The following NDUFS6 variants were observed in gnomAD, a reference collection of about 807,000 sequenced individuals.
The protein encoded by NDUFS6 is NADH dehydrogenase [ubiquinone] iron-sulfur protein 6, mitochondrial.
A neutral mutation model predicts 13.2 loss-of-function variants in NDUFS6; 14 were observed. The ratio of observed to expected loss-of-function variants is 1.06; its 90% confidence interval spans 0.70 to 1.66. The LOEUF (loss-of-function observed/expected upper bound fraction) is 1.66. Ranked by LOEUF, NDUFS6 falls within the 40% of genes most tolerant of loss-of-function variation. NDUFS6 has a pLI of 0.00. For missense variants in NDUFS6, 206 were observed against 170.8 expected (o/e 1.21, Z -1.15); for synonymous variants, 95 against 72.3 (o/e 1.31, Z -1.60).
At chr5:1,806,252 G>A (rs1007625984) in intron 2 of NDUFS6, among the ~76,000 whole-genome samples, 1 of 152,190 alleles carries the variant, frequency 6.6e-6, no homozygotes, top group African/African-American at 2.4e-5. Flanking sequence ...GGAACAGCTG[G>A]GGGCTTCAGC....
chr5:1,809,425 G>C (rs1734183443), intron 2 of NDUFS6, among the ~76,000 whole-genome samples: 1 of 152,154 alleles, frequency 6.6e-6, no homozygotes. Context: ...CCGGAGCTTG[G>C]CCGTGTGAAC....
chr5:1,802,767 A>G (rs1428984122), intron 2 of NDUFS6, among the ~76,000 whole-genome samples: 1 of 152,150 alleles, frequency 6.6e-6, no homozygotes, highest in African/African-American at 2.4e-5. Context: ...AGGGACTTAC[A>G]CTGACAAGCT....
At position 1,815,866 on chromosome 5, in the gene NDUFS6, A is replaced by C; in HGVS notation, c.325A>C (p.Thr109Pro). ...VYINLDKETKTGTCGYCGLQF... is the reference protein window; with the variant it reads ...VYINLDKETKPGTCGYCGLQF... The stretch of plus-strand genomic sequence containing the variant: ...ATTTTTTCAGGACAAAGAAACAAAA[A>C]CCGGCACATGCGGTTACTGTGGGCT... The change falls in exon 4 of 4, where the codon ACC (threonine) becomes CCC (proline). Residue 109 changes from threonine to proline, a missense_variant. Thr to Pro is a conservative substitution (Grantham distance 38, BLOSUM62 -1). Transcript: ENST00000274137. 6.2e-7 allele frequency: 1 copy of C among 1,614,232 alleles called. No individual in the cohort carries two copies.
intron 1 of NDUFS6, 138 bp downstream of exon 1, chr5:1,801,687 G>T (rs1734045539): frequency 7.5e-7 from 1 of 1,328,098 alleles, no homozygotes; most frequent in South Asian, 1.5e-5. Context: ...TGTCGCTCAC[G>T]CGCCGGGGAG....
rs1353879292 is a variant in NDUFS6 at position 1,814,088 on chromosome 5, G to A, written c.187-251G>A. On this transcript the variant is annotated intron_variant, in intron 2 of 3. Transcript: ENST00000274137. The surrounding 1 kb of genome is among the most constrained non-coding windows in gnomAD (Gnocchi z 4.9). ...ACGTGTCAGCATTTGCTGGGTCCAC[G>A]GGGACAGAAGGGAAAGGCTCTGTGC... Among the ~76,000 whole-genome samples the A allele has an allele frequency of 1.3e-5, 2 of 152,238 alleles. No individual in the cohort carries two copies. Among genetic ancestry groups the A allele is most frequent in the East Asian group, 3.8e-4 (2 of 5,202 alleles).
At chr5:1,802,519 C>T (rs563110346) in intron 2 of NDUFS6, 145 bp downstream of exon 2, 2 of 628,458 alleles carry the variant, frequency 3.2e-6, no homozygotes, top group Non-Finnish European at 5.5e-6. Flanking sequence ...TTCTTCCTTT[C>T]TTAAAATCTT....
chr5:1,805,334 A>T (rs1237318955), intron 2 of NDUFS6, among the ~76,000 whole-genome samples: 1 of 152,250 alleles, frequency 6.6e-6, no homozygotes, highest in Admixed American at 6.5e-5. Context: ...TATCTCCAGA[A>T]AAAAAAGAAA....
chr5:1,809,112 A>G (rs1579215106), intron 2 of NDUFS6, among the ~76,000 whole-genome samples: 3 of 152,310 alleles, frequency 2.0e-5, no homozygotes, highest in East Asian at 1.9e-4. Context: ...AAACCTACAT[A>G]TCTTTATGCC....
chr5:1,801,480 G>GC lies in NDUFS6; in HGVS notation c.67dup (p.Leu23ProfsTer25). 1 of 1,603,208 alleles carries GC rather than the reference G, an allele frequency of 6.2e-7. No individual in the cohort carries two copies. Among genetic ancestry groups the GC allele is most frequent in the Non-Finnish European group, 8.5e-7 (1 of 1,178,760 alleles). ...GGTGTGGCGAGGCGGCGCGGAGCCT[G>GC]CCCCTGGGCGCCAGGTGTTTCGGGG... On this transcript the variant is annotated frameshift_variant, in exon 1 of 4. Coordinates refer to ENST00000274137, the MANE Select transcript of NDUFS6 (RefSeq NM_004553.6). LOFTEE classifies it high-confidence loss of function.
chr5:1,804,444 C>T (rs777080452), intron 2 of NDUFS6, among the ~76,000 whole-genome samples: 24 of 152,218 alleles, frequency 1.6e-4, no homozygotes, highest in Admixed American at 1.3e-4. Flanking sequence ...TGTCTGTGAC[C>T]GGCAGCTCAC....
At chr5:1,807,190 G>GGTACTGCGTGAGGTACTCAGAT in intron 2 of NDUFS6, among the ~76,000 whole-genome samples, 1 of 152,232 alleles carries the variant, frequency 6.6e-6, no homozygotes, top group African/African-American at 2.4e-5. Context: ...GGTACTCAGA[G>GGTACTGCGTGAGGTACTCAGAT]GTACTGTGTG....
rs1169689300 is a variant in NDUFS6 at position 1,814,462 on chromosome 5, G to T, written c.309+1G>T. On this transcript the variant is annotated splice_donor_variant, in intron 3 of 3. Coordinates refer to ENST00000274137, the MANE Select transcript of NDUFS6 (RefSeq NM_004553.6). LOFTEE classifies it high-confidence loss of function. The surrounding 1 kb of genome is among the most constrained non-coding windows in gnomAD (Gnocchi z 4.9). ...CCACCCAAAAGTGTATATAAACTTGGTGCGTAGCTGGCCACCTGTGCACAT... is the reference window on the plus strand; with the variant it reads ...CCACCCAAAAGTGTATATAAACTTGTTGCGTAGCTGGCCACCTGTGCACAT... The T allele has an allele frequency of 6.2e-7, 1 of 1,614,050 alleles. No individual in the cohort carries two copies. The highest frequency in any genetic ancestry group is 1.3e-5 in the African/African-American group (1 of 74,910).
At chr5:1,809,206 A>T (rs3756345) in intron 2 of NDUFS6, among the ~76,000 whole-genome samples, 112,046 of 152,086 alleles carry the variant, frequency 0.74, 44,399 homozygotes, top group Non-Finnish European at 0.88. Context: ...CATTTTACAG[A>T]GGTTGGACAC....
Position 1,801,446 on chromosome 5 carries a change from T to A in NDUFS6, c.29T>A (p.Leu10Gln). 1 of 1,605,244 alleles carries A rather than the reference T, an allele frequency of 6.2e-7. No individual in the cohort carries two copies. The highest frequency in any genetic ancestry group is 8.5e-7 in the Non-Finnish European group (1 of 1,178,636). The change falls in exon 1 of 4, where the codon CTG (leucine) becomes CAG (glutamine). Residue 10 changes from leucine (L) to glutamine (Q), a missense_variant. Physicochemically the swap from Leu to Gln is moderately radical, Grantham distance 113. Coordinates refer to ENST00000274137, the MANE Select transcript of NDUFS6 (RefSeq NM_004553.6). The stretch of plus-strand genomic sequence containing the variant: ...GCGGCGGCGATGACCTTCTGCCGGC[T>A]GCTGAACCGGTGTGGCGAGGCGGCG... MAAAMTFCR[L>Q]LNRCGEAARS...
At chr5:1,810,032 CT>C (rs1424941191) in intron 2 of NDUFS6, among the ~76,000 whole-genome samples, 1 of 152,212 alleles carries the variant, frequency 6.6e-6, no homozygotes, top group Non-Finnish European at 1.5e-5. Context: ...AAAAATAAAC[CT>C]TTCCGAAACA....
intron 2 of NDUFS6, among the ~76,000 whole-genome samples, chr5:1,803,931 G>A (rs367687272): frequency 6.6e-6 from 1 of 152,194 alleles, no homozygotes; most frequent in East Asian, 1.9e-4. Flanking sequence ...GTGGAGAAGG[G>A]GAGGTTTCTC....
At chr5:1,802,724 T>A (rs1248626412) in intron 2 of NDUFS6, among the ~76,000 whole-genome samples, 1 of 152,216 alleles carries the variant, frequency 6.6e-6, no homozygotes, top group Non-Finnish European at 1.5e-5. Context: ...TTTTTTATAG[T>A]TTTCACCAAA....
chr5:1,805,294 T>C (rs902699437), intron 2 of NDUFS6, among the ~76,000 whole-genome samples: 8 of 152,088 alleles, frequency 5.3e-5, no homozygotes, highest in African/African-American at 1.9e-4. Flanking sequence ...CATGCCATTG[T>C]ACTCCAGCCT....
At chr5:1,801,820 A>G (rs572423467) in intron 1 of NDUFS6, among the ~76,000 whole-genome samples, 3 of 152,376 alleles carry the variant, frequency 2.0e-5, no homozygotes, top group South Asian at 4.1e-4. Flanking sequence ...CTGGCTGCCC[A>G]TAGGCGATTT....
Sources: allele counts gnomAD v4.1 joint callset (sites outside exome capture counted in the v4.1 genomes callset), GRCh38; gene constraint gnomAD v4.1.1; non-coding constraint Gnocchi (gnomAD v3.1); transcripts MANE v1.5; gene names NCBI Gene and HGNC (gene_info 2026-07-23, HGNC 2026-07-21).